WDR91: variants seen among roughly 807,000 people sequenced by gnomAD.
The protein encoded by WDR91 is WD repeat-containing protein 91.
In WDR91, 52 loss-of-function variants were observed where a neutral mutation model predicts 88.4. That is an observed-to-expected ratio of 0.59 (90% CI 0.47 to 0.74). The LOEUF (loss-of-function observed/expected upper bound fraction) is 0.74. Among genes scored for constraint, WDR91 ranks in the 30% least tolerant of loss-of-function variants. The pLI, the probability that WDR91 is intolerant of heterozygous loss-of-function variation, is 0.00. For missense variants in WDR91, 824 were observed against 954.5 expected (o/e 0.86, Z 1.80); for synonymous variants, 362 against 389.5 (o/e 0.93, Z 0.83).
At chr7:135,209,923 T>C (rs1229740368) in intron 1 of WDR91, 168 bp from the exon 2 acceptor site, 1 of 525,390 alleles carries the variant, frequency 1.9e-6, no homozygotes, top group Non-Finnish European at 3.2e-6. Flanking sequence ...TTTTCAGTAA[T>C]TTTCTGATGT....
rs1831756163 is a variant in WDR91, at chr7:135,205,932, C to G, written c.721G>C (p.Glu241Gln). The G allele has an allele frequency of 3.1e-6, 5 of 1,613,286 alleles. No homozygotes were observed. Among genetic ancestry groups the G allele is most frequent in the East Asian group, 2.2e-5 (1 of 44,898 alleles). ...VSNMDRLGDSELAMVCSQRNA... is the reference protein window; with the variant it reads ...VSNMDRLGDSQLAMVCSQRNA... The stretch of plus-strand genomic sequence containing the variant: ...AGGGCCGTCACACACACTCACAGTT[C>G]CGAGTCCCCCAGGCGGTCCATGTTG... The change falls in exon 5 of 15, where the codon GAA (glutamate) becomes CAA (glutamine). Residue 241 changes from glutamate to glutamine, a missense_variant. Transcript: ENST00000354475.
At chr7:135,187,328 G>A (rs1402660656) in intron 13 of WDR91, among the ~76,000 whole-genome samples, 159 bp from the exon 14 acceptor site, 2 of 152,246 alleles carry the variant, frequency 1.3e-5, no homozygotes, top group Non-Finnish European at 2.9e-5. Flanking sequence ...AAGTGCCAGA[G>A]GCAGAAAAGT....
intron 11 of WDR91, among the ~76,000 whole-genome samples, chr7:135,190,206 T>G (rs916424864): frequency 6.6e-6 from 1 of 152,038 alleles, no homozygotes. Flanking sequence ...GAGACAACCA[T>G]GTGTGATCTG....
Position 135,185,572 on chromosome 7 carries a change from T to G in WDR91, c.*579A>C, listed in dbSNP as rs571951359. On this transcript the variant is annotated 3_prime_UTR_variant, in exon 15 of 15. Coordinates refer to ENST00000354475, the MANE Select transcript of WDR91 (RefSeq NM_014149.4). ...CCAGCTTTCAGGGAAGAAAAAGAATTCTGTGGCCTTGACTTAAGCCCAGAG... is the reference window on the plus strand; with the variant it reads ...CCAGCTTTCAGGGAAGAAAAAGAATGCTGTGGCCTTGACTTAAGCCCAGAG... The G allele has an allele frequency of 1.2e-4, 19 of 152,286 alleles. No individual in the cohort carries two copies. The highest frequency in any genetic ancestry group is 4.3e-4 in the African/African-American group (18 of 41,544). The allele number at this position is 152,286 out of a possible 1,614,324, so 9.4% of individuals were successfully genotyped here. A position where few individuals can be genotyped will look rare whatever the true frequency, so the allele number is the denominator to read the frequency against.
chr7:135,210,711 T>C, intron 1 of WDR91: 3 of 695,138 alleles, frequency 4.3e-6, no homozygotes, highest in Non-Finnish European at 7.9e-6. Context: ...GCCACTAACT[T>C]TGGCCAGGCA....
intron 7 of WDR91, chr7:135,197,366 C>T (rs292579): frequency 0.67 from 101,750 of 152,212 alleles, 34,932 homozygotes; most frequent in Admixed American, 0.79. Context: ...GGCAAGAGAA[C>T]CAGTAAATAC....
chr7:135,186,121 G>A lies in WDR91; in HGVS notation c.*30C>T, dbSNP rs1301488801. The A allele has an allele frequency of 6.4e-7, 1 of 1,567,036 alleles. No homozygotes were observed. Among genetic ancestry groups the A allele is most frequent in the East Asian group, 2.4e-5 (1 of 42,426 alleles). On this transcript the variant is annotated 3_prime_UTR_variant, in exon 15 of 15. Transcript: ENST00000354475. The stretch of plus-strand genomic sequence containing the variant: ...TCCTCCCCCCACCGCAGATAATACT[G>A]CTTCCTCGGGTGGCCCTTGGGGCAA...
intron 3 of WDR91, 109 bp from the exon 4 acceptor site, chr7:135,207,311 A>G (rs1831832255): frequency 1.1e-6 from 1 of 917,116 alleles, no homozygotes; most frequent in Non-Finnish European, 1.7e-6. Flanking sequence ...AGAACAGAGT[A>G]TAGGAGCGGT....
chr7:135,189,823 A>T (rs1274375277), intron 11 of WDR91, among the ~76,000 whole-genome samples: 2 of 152,240 alleles, frequency 1.3e-5, no homozygotes, highest in African/African-American at 4.8e-5. Flanking sequence ...GCCTTTGATG[A>T]CAGACAACAC....
intron 2 of WDR91, 134 bp downstream of exon 2, chr7:135,209,442 T>C: frequency 2.4e-6 from 2 of 840,142 alleles, no homozygotes; most frequent in Admixed American, 3.3e-5. Flanking sequence ...CAGTCAAAAA[T>C]AATTGCACTG....
chr7:135,198,822 G>T (rs1831468360), intron 6 of WDR91: 1 of 152,172 alleles, frequency 6.6e-6, no homozygotes, highest in Non-Finnish European at 1.5e-5. Flanking sequence ...AAGAGGGGAT[G>T]AATTTGATCA....
chr7:135,198,326 T>G (rs2117674632), intron 6 of WDR91, 175 bp from the exon 7 acceptor site: 1 of 635,628 alleles, frequency 1.6e-6, no homozygotes, highest in South Asian at 2.2e-5. Flanking sequence ...TATGACCTCC[T>G]CCTTTCTGTC....
intron 11 of WDR91, among the ~76,000 whole-genome samples, chr7:135,191,825 CA>C (rs1465525288): frequency 2.0e-5 from 3 of 152,062 alleles, no homozygotes; most frequent in Non-Finnish European, 4.4e-5. Context: ...TGTATGTATT[CA>C]ATGTCTAATT....
intron 10 of WDR91, 21 bp downstream of exon 10, chr7:135,193,557 G>C (rs755697769): frequency 1.2e-6 from 2 of 1,613,470 alleles, no homozygotes; most frequent in African/African-American, 1.3e-5. Context: ...CCTTGATGGT[G>C]GGGGGTAGGT....
At chr7:135,193,709 A>G in intron 9 of WDR91, 37 bp from the exon 10 acceptor site, 2 of 1,587,416 alleles carry the variant, frequency 1.3e-6, no homozygotes, top group Non-Finnish European at 1.7e-6. Flanking sequence ...GAAGGATAGC[A>G]TGGAGTGAGG....
rs567106391 is a variant in WDR91 at position 135,197,886 on chromosome 7, C to T, written c.1050+107G>A. 3.6e-6 allele frequency: 5 copies of T among 1,388,534 alleles called. No individual in the cohort carries two copies. The South Asian group carries it at 7.4e-5, about 20-fold the overall frequency. 86.0% of individuals were successfully genotyped at this position (1,388,534 alleles called of 1,614,324 possible). A position where few individuals can be genotyped will look rare whatever the true frequency, so the allele number is the denominator to read the frequency against. ...CATTGAAACCAATTAAGCAAAAGCA[C>T]ACTCTGCACAGCTGCAGAACTCAGA... On this transcript the variant is annotated intron_variant, in intron 7 of 14. Coordinates refer to ENST00000354475, the MANE Select transcript of WDR91 (RefSeq NM_014149.4).
At chr7:135,192,719 TAAG>T (rs1403208669) in intron 11 of WDR91, among the ~76,000 whole-genome samples, 2 of 152,360 alleles carry the variant, frequency 1.3e-5, no homozygotes, top group East Asian at 3.9e-4. Context: ...ATCATTTTAA[TAAG>T]AAGTAGCACT....
chr7:135,188,537 G>C lies in WDR91; in HGVS notation c.1777C>G (p.Gln593Glu). 2 of 1,613,310 alleles carry C rather than the reference G, an allele frequency of 1.2e-6. No homozygotes were observed. The highest frequency in any genetic ancestry group is 8.5e-7 in the Non-Finnish European group (1 of 1,179,888). The change falls in exon 13 of 15, where the codon CAG (glutamine) becomes GAG (glutamate). Residue 593 changes from glutamine (Q) to glutamate (E), a missense_variant. Transcript: ENST00000354475. ...DGVIRLFDMQ[Q>E]HECAMSWRAH... ...CTCCAGCTCATCGCGCACTCATGCT[G>C]CTGCATGTCTGAGGCAATGAGACAC...
Position 135,187,098 on chromosome 7 carries a change from G to GCCC in WDR91, c.1950_1952dup (p.Gly651dup). On this transcript the variant is annotated inframe_insertion, in exon 14 of 15. Coordinates refer to ENST00000354475, the MANE Select transcript of WDR91 (RefSeq NM_014149.4). ...CGCTGTATCCAGACAGCACAAAGGG[G>GCCC]CCCGTGGCATCTGAGGGGAGGCTGT... 1 of 1,614,270 alleles carries GCCC rather than the reference G, an allele frequency of 6.2e-7. No individual in the cohort carries two copies. Among genetic ancestry groups the GCCC allele is most frequent in the Non-Finnish European group, 8.5e-7 (1 of 1,180,052 alleles).
Sources: allele counts gnomAD v4.1 joint callset (sites outside exome capture counted in the v4.1 genomes callset), GRCh38; gene constraint gnomAD v4.1.1; transcripts MANE v1.5; gene names NCBI Gene and HGNC (gene_info 2026-07-23, HGNC 2026-07-21).